Variants in URB1 observed in about 807,000 individuals in gnomAD.
URB1 encodes nucleolar pre-ribosomal-associated protein 1.
URB1 carries 197 observed loss-of-function variants against 242.3 expected under a neutral mutation model. The observed-to-expected ratio is 0.81, with a 90% CI of 0.72 to 0.91. The LOEUF is 0.91. Among genes scored for constraint, URB1 ranks in the 40% least tolerant of loss-of-function variants. The probability of loss-of-function intolerance (pLI) is 0.00; values close to 1 mark genes in which losing one functional copy is unlikely to be tolerated. For missense variants in URB1, 2,721 were observed against 2,860.5 expected, an observed-to-expected ratio of 0.95 and a Z score of 1.11; for synonymous variants, 1,153 against 1,201.8, an observed-to-expected ratio of 0.96 and a Z score of 0.84.
At chr21:32,344,785 G>C (rs1378434310) in intron 23 of URB1, 29 bp from the exon 24 acceptor site, 1 of 1,543,420 alleles carries the variant, frequency 6.5e-7, no homozygotes, top group African/African-American at 1.4e-5. Flanking sequence ...GTCAGAGACA[G>C]AGAGCAGGTT....
At chr21:32,347,938 T>C (rs1189260738) in intron 21 of URB1, 127 bp from the exon 22 acceptor site, 1 of 1,382,272 alleles carries the variant, frequency 7.2e-7, no homozygotes, top group Non-Finnish European at 9.5e-7. Context: ...CCTAATCCAT[T>C]CCATCCTCAA....
chr21:32,363,525 T>C (rs974624464), intron 10 of URB1, among the ~76,000 whole-genome samples, 196 bp from the exon 11 acceptor site: 1 of 152,168 alleles, frequency 6.6e-6, no homozygotes, highest in African/African-American at 2.4e-5. Context: ...ACTTCAGCAA[T>C]TGCCAGGAAA....
At chr21:32,329,099 T>C (rs2032863628) in intron 30 of URB1, among the ~76,000 whole-genome samples, 1 of 68,778 alleles carries the variant, frequency 1.5e-5, no homozygotes, top group African/African-American at 4.4e-5. Flanking sequence ...AGAGATACAG[T>C]CTCTACCAAA....
In URB1 at chr21:32,316,732, C is replaced by G; in HGVS notation, c.6368G>C (p.Gly2123Ala). ...LSRAEAAGLI[G>A]WLKSHILPHP... The stretch of plus-strand genomic sequence containing the variant: ...TGGCAAAATATGGCTCTTAAGCCAG[C>G]CAATGAGTCCTGCAGCCTCTGCCCT... Residue 2123 changes from glycine (G) to alanine (A), a missense_variant, in exon 38 of 39, where the codon GGC (glycine) becomes GCC (alanine). Transcript: ENST00000382751. 6.4e-7 allele frequency: 1 copy of G among 1,551,308 alleles called. No homozygotes were observed. Among genetic ancestry groups the G allele is most frequent in the Non-Finnish European group, 8.7e-7 (1 of 1,146,900 alleles).
chr21:32,345,659 T>C (rs2033078854), intron 22 of URB1, 84 bp from the exon 23 acceptor site: 3 of 1,376,020 alleles, frequency 2.2e-6, no homozygotes, highest in Non-Finnish European at 2.9e-6. Context: ...AACTGGTTGC[T>C]ATATTTTAGG....
intron 38 of URB1, among the ~76,000 whole-genome samples, chr21:32,315,670 C>A (rs1446488529): frequency 6.6e-6 from 1 of 152,250 alleles, no homozygotes; most frequent in Non-Finnish European, 1.5e-5. Context: ...CTGGTTCTGA[C>A]CATCCATGCC....
chr21:32,365,835 G>A (rs1021423110), intron 10 of URB1, among the ~76,000 whole-genome samples: 1 of 152,190 alleles, frequency 6.6e-6, no homozygotes, highest in Admixed American at 6.5e-5. Flanking sequence ...ACCCCTCACA[G>A]CCAACCTGTT....
Position 32,321,914 on chromosome 21 carries a change from C to A in URB1, c.5371G>T (p.Val1791Phe), listed in dbSNP as rs3761342. 9 of 1,551,526 alleles carry A rather than the reference C, an allele frequency of 5.8e-6. No homozygotes were observed. Among genetic ancestry groups the A allele is most frequent in the Non-Finnish European group, 7.8e-6 (9 of 1,147,014 alleles). Residue 1791 changes from valine (V) to phenylalanine (F), a missense_variant, in exon 34 of 39, where the codon GTT (valine) becomes TTT (phenylalanine). Coordinates refer to ENST00000382751, the MANE Select transcript of URB1 (RefSeq NM_014825.3). ...QKTEQKWVFGVLRQGIRDKQC... is the reference protein window; with the variant it reads ...QKTEQKWVFGFLRQGIRDKQC... ...TTGTCACGGATCCCCTGCCGCAGAA[C>A]GCCAAACACCCACTTCTGCTCTGTT...
chr21:32,342,896 C>G (rs889018154), intron 24 of URB1, among the ~76,000 whole-genome samples: 6 of 152,152 alleles, frequency 3.9e-5, no homozygotes, highest in Non-Finnish European at 5.9e-5. Context: ...AAACCACCCA[C>G]AGCTCCAGTA....
intron 35 of URB1, among the ~76,000 whole-genome samples, chr21:32,320,140 G>A (rs1201912029): frequency 2.0e-5 from 3 of 152,256 alleles, no homozygotes; most frequent in African/African-American, 7.2e-5. Flanking sequence ...CGGCCTTCCT[G>A]CAAGAGGGCT....
Position 32,345,433 on chromosome 21 carries a change from A to T in URB1, c.4011T>A (p.Asp1337Glu). Reference protein sequence around the residue: ...AQLVPFARAKDLSVLMDRLPS... With the variant: ...AQLVPFARAKELSVLMDRLPS... ...GCAGGCGGTCCATGAGTACACTGAG[A>T]TCCTTGGCTCGTGCAAACGGGACCA... is the stretch of plus-strand genomic sequence containing the variant. The change falls in exon 23 of 39, where the codon GAT becomes GAA. Residue 1337 changes from aspartate to glutamate, a missense_variant. Transcript: ENST00000382751. 6.4e-7 allele frequency: 1 copy of T among 1,551,372 alleles called. No individual in the cohort carries two copies. The highest frequency in any genetic ancestry group is 8.7e-7 in the Non-Finnish European group (1 of 1,146,962).
At position 32,393,008 on chromosome 21, in the gene URB1, C is replaced by T. The variant is rs550239668; in HGVS notation, c.-98G>A. On this transcript the variant is annotated 5_prime_UTR_variant, in exon 1 of 39. Transcript: ENST00000382751. ...AGACACGCGCTTCAGGCCCACATGG[C>T]GCAGGAAGAGGCGGGGCTGGCGGAA... 102 of 1,374,702 alleles carry T rather than the reference C, an allele frequency of 7.4e-5. No homozygotes were observed. The South Asian group carries it at 1.4e-3, about 19-fold the overall frequency. The allele number at this position is 1,374,702 out of a possible 1,614,324, so 85.2% of individuals were successfully genotyped here.
At chr21:32,323,323 C>T (rs1462943757) in intron 32 of URB1, among the ~76,000 whole-genome samples, 1 of 152,216 alleles carries the variant, frequency 6.6e-6, no homozygotes, top group East Asian at 1.9e-4. Flanking sequence ...CCTTGACAAG[C>T]TATCTACCCT....
Position 32,319,409 on chromosome 21 carries a change from A to G in URB1, c.5600T>C (p.Leu1867Pro). The change falls in exon 36 of 39, where the codon CTG becomes CCG. Residue 1867 changes from leucine to proline, a missense_variant. Transcript: ENST00000382751. ...CACATTAGACAGCAGCGGAGTCTCC[A>G]GAAACCTAAAACCAAGCACAACAGC... ...WILHILESKF[L>P]ETPLLSNVIS... is the part of the protein sequence containing the mutation. 8 of 1,518,980 alleles carry G rather than the reference A, an allele frequency of 5.3e-6. No homozygotes were observed. Among genetic ancestry groups the G allele is most frequent in the Non-Finnish European group, 7.1e-6 (8 of 1,132,926 alleles). 94.1% of individuals were successfully genotyped at this position (1,518,980 alleles called of 1,614,324 possible). A position where few individuals can be genotyped will look rare whatever the true frequency, so the allele number is the denominator to read the frequency against.
Position 32,338,895 on chromosome 21 carries a change from C to A in URB1, c.4322G>T (p.Arg1441Leu), listed in dbSNP as rs780709839. The part of the protein sequence containing the change: ...QKFVKKGLKF[R>L]YQDHTFLKML... Reference sequence around the variant, plus strand: ...CTTTAAAAATGTGTGGTCCTGGTACCGAAATCTAGGCGGCGAGAGTCAAAG... The same window carrying A: ...CTTTAAAAATGTGTGGTCCTGGTACAGAAATCTAGGCGGCGAGAGTCAAAG... Residue 1441 changes from arginine to leucine, a missense_variant, in exon 26 of 39, where the codon CGG becomes CTG. Arg to Leu is a moderately radical substitution (Grantham distance 102). Transcript: ENST00000382751. 7 of 1,533,252 alleles carry A rather than the reference C, an allele frequency of 4.6e-6. No individual in the cohort carries two copies. The highest frequency in any genetic ancestry group is 6.2e-6 in the Non-Finnish European group (7 of 1,133,546). 95.0% of individuals were successfully genotyped at this position (1,533,252 alleles called of 1,614,324 possible).
intron 6 of URB1, among the ~76,000 whole-genome samples, chr21:32,374,587 A>G (rs2033439529): frequency 1.3e-5 from 2 of 152,220 alleles, no homozygotes; most frequent in Admixed American, 1.3e-4. Flanking sequence ...AGTCAATGCT[A>G]TTTTAGTAGG....
rs1486403913 is a variant in URB1, at chr21:32,341,474, C to G, written c.4308G>C (p.Lys1436Asn). ...AAATAAAATCAACTTACTTGAGTCCCTTCTTCACGAATTTCTGCCAGTCAC... is the reference window on the plus strand; with the variant it reads ...AAATAAAATCAACTTACTTGAGTCCGTTCTTCACGAATTTCTGCCAGTCAC... Reference protein sequence around the residue: ...DPGDWQKFVKKGLKFRYQDHT... With the variant: ...DPGDWQKFVKNGLKFRYQDHT... Residue 1436 changes from lysine (K) to asparagine (N), a missense_variant, in exon 25 of 39, where the codon AAG (lysine) becomes AAC (asparagine). Lys to Asn is a moderately conservative substitution (Grantham distance 94, BLOSUM62 0). Coordinates refer to ENST00000382751, the MANE Select transcript of URB1 (RefSeq NM_014825.3). 6.4e-7 allele frequency: 1 copy of G among 1,551,568 alleles called. No homozygotes were observed.
chr21:32,317,687 C>T lies in URB1; in HGVS notation c.6023G>A (p.Arg2008Gln), dbSNP rs1421539706. 1.9e-5 allele frequency: 30 copies of T among 1,551,718 alleles called. No individual in the cohort carries two copies. In the South Asian group the frequency reaches 3.0e-4, roughly 15 times the overall value. The change falls in exon 37 of 39, where the codon CGG becomes CAG. Residue 2008 changes from arginine (R) to glutamine (Q), a missense_variant. Physicochemically the swap from Arg to Gln is conservative, Grantham distance 43. Coordinates refer to ENST00000382751, the MANE Select transcript of URB1 (RefSeq NM_014825.3). Reference protein sequence around the residue: ...LRAAIEKAQARELMKMLKDKN... With the variant: ...LRAAIEKAQAQELMKMLKDKN... ...GTTCTGACACTCACTCATGAGCTCC[C>T]GGGCTTGGGCCTTCTCAATGGCTGC...
intron 1 of URB1, among the ~76,000 whole-genome samples, chr21:32,391,856 TA>T (rs67993951): frequency 0.19 from 24,781 of 130,152 alleles, 2,978 homozygotes; most frequent in African/African-American, 0.37. Context: ...CTACAAAAAG[TA>T]AAAAAAAAAA....
Sources: gnomAD v4.1 joint callset for allele counts (sites outside exome capture counted in the v4.1 genomes callset) on GRCh38, gnomAD v4.1.1 for gene constraint, MANE v1.5 for transcripts, NCBI Gene and HGNC (gene_info 2026-07-23, HGNC 2026-07-21) for gene names.